Variants in PDE6A observed in about 807,000 individuals in gnomAD.
The protein encoded by PDE6A is rod cGMP-specific 3',5'-cyclic phosphodiesterase subunit alpha.
In PDE6A, 84 loss-of-function variants were observed where a neutral mutation model predicts 106.3. The ratio of observed to expected loss-of-function variants is 0.79; its 90% CI spans 0.66 to 0.95. The LOEUF (loss-of-function observed/expected upper bound fraction) is 0.95, where lower values mean the gene tolerates loss of function less well. Among genes scored for constraint, PDE6A ranks in the 40% least tolerant of loss-of-function variants. The pLI is 0.00. For synonymous variants in PDE6A, 394 were observed against 386.6 expected, an observed-to-expected ratio of 1.02 and a Z score of -0.23; for missense variants, 1,052 against 1,084.9, an observed-to-expected ratio of 0.97 and a Z score of 0.43.
At chr5:149,879,418 G>GT (rs147091528) in intron 17 of PDE6A, among the ~76,000 whole-genome samples, 2,818 of 148,332 alleles carry the variant, frequency 0.019, 78 homozygotes, top group African/African-American at 0.062. Flanking sequence ...TTTTTTTTAG[G>GT]TTTTTTTTTT....
intron 3 of PDE6A, 91 bp downstream of exon 3, chr5:149,933,839 C>T: frequency 1.1e-6 from 1 of 904,228 alleles, no homozygotes; most frequent in African/African-American, 1.6e-5. Context: ...TTCCTAGGCA[C>T]CTTCATTCCC....
chr5:149,943,648 T>G (rs1174781909), intron 1 of PDE6A, among the ~76,000 whole-genome samples: 1 of 152,194 alleles, frequency 6.6e-6, no homozygotes, highest in African/African-American at 2.4e-5. Context: ...CACATTACAT[T>G]TCTATGATTC....
In PDE6A at chr5:149,934,736, T is replaced by A; in HGVS notation, c.475-18A>T. 1.9e-6 allele frequency: 3 copies of A among 1,613,150 alleles called. No homozygotes were observed. The highest frequency in any genetic ancestry group is 2.5e-6 in the Non-Finnish European group (3 of 1,179,968). On this transcript the variant is annotated intron_variant, in intron 1 of 21. Coordinates refer to ENST00000255266, the MANE Select transcript of PDE6A (RefSeq NM_000440.3). ...TGCTCATCCTAAAGGAAGGCAGAGATAAGCACGGACAGGCAAATGAAGAGC... is the reference window on the plus strand; with the variant it reads ...TGCTCATCCTAAAGGAAGGCAGAGAAAAGCACGGACAGGCAAATGAAGAGC...
intron 15 of PDE6A, 62 bp from the exon 16 acceptor site, chr5:149,884,641 T>A: frequency 1.4e-6 from 2 of 1,462,182 alleles, no homozygotes; most frequent in South Asian, 2.3e-5. Flanking sequence ...GTCACCCACC[T>A]ACCAATGGCC....
At position 149,863,407 on chromosome 5, in the gene PDE6A, A is replaced by T. The variant is rs1373921470; in HGVS notation, c.2359-141T>A. The T allele has an allele frequency of 1.2e-6, 1 of 815,156 alleles. No homozygotes were observed. Among genetic ancestry groups the T allele is most frequent in the African/African-American group, 1.7e-5 (1 of 59,002 alleles). The allele number at this position is 815,156 out of a possible 1,614,324, so 50.5% of individuals were successfully genotyped here. A position where few individuals can be genotyped will look rare whatever the true frequency, so the allele number is the denominator to read the frequency against. On this transcript the variant is annotated intron_variant, in intron 20 of 21. Transcript: ENST00000255266. The surrounding 1 kb of genome is among the most constrained non-coding windows in gnomAD (Gnocchi z 4.7). The stretch of plus-strand genomic sequence containing the variant: ...CCTCCCGCCACCGTGCTGATACTGC[A>T]GGGCCTCCGGTCTACACCAGCCCAT...
At chr5:149,887,354 T>C (rs565181067) in intron 13 of PDE6A, among the ~76,000 whole-genome samples, 12 of 152,120 alleles carry the variant, frequency 7.9e-5, no homozygotes, top group African/African-American at 2.4e-4. Context: ...GTGCATAGAA[T>C]AGTCAAGATG....
chr5:149,907,340 A>T lies in PDE6A; in HGVS notation c.1037T>A (p.Leu346His). Residue 346 changes from leucine (L) to histidine (H), a missense_variant, in exon 7 of 22, where the codon CTC becomes CAC. Physicochemically the swap from Leu to His is moderately conservative, Grantham distance 99. Coordinates refer to ENST00000255266, the MANE Select transcript of PDE6A (RefSeq NM_000440.3). ...GCCATTCTGGGCAACATAAGCTGGGAGACCGCTTACTAAAGCCCAATGGTC... is the reference window on the plus strand; with the variant it reads ...GCCATTCTGGGCAACATAAGCTGGGTGACCGCTTACTAAAGCCCAATGGTC... ...PPDHWALVSG[L>H]PAYVAQNGLI... is the part of the protein sequence containing the mutation. 4 of 1,614,018 alleles carry T rather than the reference A, an allele frequency of 2.5e-6. No homozygotes were observed. Among genetic ancestry groups the T allele is most frequent in the Non-Finnish European group, 3.4e-6 (4 of 1,179,882 alleles).
chr5:149,887,760 C>T (rs767496619), intron 13 of PDE6A, among the ~76,000 whole-genome samples: 27 of 152,130 alleles, frequency 1.8e-4, no homozygotes, highest in Non-Finnish European at 2.6e-4. Context: ...GGCATCCCAC[C>T]GAGACAAAAG....
chr5:149,883,662 G>T (rs1761014829), intron 16 of PDE6A, 126 bp from the exon 17 acceptor site: 2 of 735,430 alleles, frequency 2.7e-6, no homozygotes, highest in East Asian at 5.4e-5. Context: ...AAGGTTGAAA[G>T]AGCCAAGGCC....
chr5:149,887,427 G>T (rs1752354403), intron 13 of PDE6A, among the ~76,000 whole-genome samples: 1 of 152,148 alleles, frequency 6.6e-6, no homozygotes, highest in Non-Finnish European at 1.5e-5. Context: ...ACTTTGGGAG[G>T]CCAAGGTAGG....
Position 149,934,630 on chromosome 5 carries a change from A to G in PDE6A, c.563T>C (p.Val188Ala), listed in dbSNP as rs1028060531. 2 of 1,614,030 alleles carry G rather than the reference A, an allele frequency of 1.2e-6. No individual in the cohort carries two copies. The highest frequency in any genetic ancestry group is 2.7e-5 in the African/African-American group (2 of 74,948). ...LASPIMNGKD[V>A]VAIIMAVNKV... ...ATTCACAGCCATGATTATGGCCACC[A>G]CATCCTTCCCATTCATTATGGGGGA... The change falls in exon 2 of 22, where the codon GTG (valine) becomes GCG (alanine). Residue 188 changes from valine to alanine, a missense_variant. By Grantham distance (64) the Val-to-Ala change is moderately conservative. Transcript: ENST00000255266.
At chr5:149,897,478 C>T (rs1178040642) in intron 10 of PDE6A, among the ~76,000 whole-genome samples, 3 of 152,328 alleles carry the variant, frequency 2.0e-5, no homozygotes, top group African/African-American at 4.8e-5. Flanking sequence ...TTTATTTAAA[C>T]GGGATGTTTT....
At chr5:149,931,262 G>C (rs1393615196) in intron 3 of PDE6A, 94 bp from the exon 4 acceptor site, 1 of 1,196,264 alleles carries the variant, frequency 8.4e-7, no homozygotes, top group African/African-American at 1.5e-5. Context: ...AAGTTGTCTG[G>C]AGTTTATTTC....
chr5:149,860,892 G>A lies in PDE6A; in HGVS notation c.*3C>T, dbSNP rs1561667487. 3 of 1,612,412 alleles carry A rather than the reference G, an allele frequency of 1.9e-6. No homozygotes were observed. In the African/African-American group the frequency reaches 4.0e-5, roughly 22 times the overall value. ...CCGTCCAGCCAGCACATCCCCAGTGGTGTTACTGGATGCAGCAGGACTTGG... is the reference window on the plus strand; with the variant it reads ...CCGTCCAGCCAGCACATCCCCAGTGATGTTACTGGATGCAGCAGGACTTGG... On this transcript the variant is annotated 3_prime_UTR_variant, in exon 22 of 22. Transcript: ENST00000255266.
chr5:149,940,937 T>C (rs369803164), intron 1 of PDE6A, among the ~76,000 whole-genome samples: 2 of 152,326 alleles, frequency 1.3e-5, no homozygotes, highest in East Asian at 3.9e-4. Context: ...CTCCTATTTT[T>C]AACCTTAAGA....
intron 14 of PDE6A, among the ~76,000 whole-genome samples, chr5:149,885,786 T>C (rs1472744783): frequency 6.6e-6 from 1 of 152,206 alleles, no homozygotes; most frequent in Non-Finnish European, 1.5e-5. Context: ...AATGGGTCCT[T>C]AGGGCTGCTT....
Position 149,896,372 on chromosome 5 carries a change from A to AAT in PDE6A, c.1602_1603dup (p.Phe535TyrfsTer16). 6.2e-7 allele frequency: 1 copy of AAT among 1,613,982 alleles called. No individual in the cohort carries two copies. Among genetic ancestry groups the AAT allele is most frequent in the Non-Finnish European group, 8.5e-7 (1 of 1,179,824 alleles). On this transcript the variant is annotated frameshift_variant, in exon 12 of 22. Transcript: ENST00000255266. LOFTEE classifies it high-confidence loss of function. ...TGACCTCACCTCTTGTGGAATGTGA[A>AAT]ATTTATCCACCACTTTGAGCTCATA...
At chr5:149,932,190 C>G (rs1754053524) in intron 3 of PDE6A, 1 of 1,259,420 alleles carries the variant, frequency 7.9e-7, no homozygotes, top group South Asian at 1.2e-5. Context: ...ATCTGATGTT[C>G]CTTCAATTGT....
chr5:149,926,435 T>C (rs1753865265), intron 4 of PDE6A, among the ~76,000 whole-genome samples: 1 of 151,930 alleles, frequency 6.6e-6, no homozygotes, highest in Non-Finnish European at 1.5e-5. Context: ...TGGATGCTTG[T>C]ACAGAAAAAT....
Sources: allele counts gnomAD v4.1 joint callset (sites outside exome capture counted in the v4.1 genomes callset), GRCh38; gene constraint gnomAD v4.1.1; non-coding constraint Gnocchi (gnomAD v3.1); transcripts MANE v1.5; gene names NCBI Gene and HGNC (gene_info 2026-07-23, HGNC 2026-07-21).